The following USP54 variants were observed in gnomAD, a reference collection of about 807,000 sequenced individuals.
USP54 encodes ubiquitin carboxyl-terminal hydrolase 54.
USP54 carries 87 observed loss-of-function variants against 170.5 expected under a neutral mutation model. The observed-to-expected ratio is 0.51, with a 90% confidence interval of 0.43 to 0.61. The LOEUF is 0.61. USP54 is among the 20% of genes least tolerant of loss of function. The pLI is 0.00. For missense variants in USP54, 1,786 were observed against 2,047.8 expected, an observed-to-expected ratio of 0.87 and a Z score of 2.47; for synonymous variants, 655 against 742.8, an observed-to-expected ratio of 0.88 and a Z score of 1.92.
chr10:73,541,268 A>G, intron 9 of USP54, 107 bp downstream of exon 9: 3 of 1,490,988 alleles, frequency 2.0e-6, no homozygotes, highest in African/African-American at 1.4e-5. Flanking sequence ...CCAAAACATT[A>G]TAATACTTGT....
At chr10:73,504,686 T>C in intron 22 of USP54, 164 bp downstream of exon 22, 1 of 925,476 alleles carries the variant, frequency 1.1e-6, no homozygotes, top group Admixed American at 2.7e-5. Context: ...TCCAGCTGAA[T>C]GTTTGTAAAT....
At chr10:73,509,439 CAAAAA>C in intron 20 of USP54, among the ~76,000 whole-genome samples, 1 of 106,752 alleles carries the variant, frequency 9.4e-6, no homozygotes. Context: ...CTGTCTCTAC[CAAAAA>C]AAAAAAAAAA....
intron 1 of USP54, among the ~76,000 whole-genome samples, chr10:73,625,101 A>G (rs2081414294): frequency 6.6e-6 from 1 of 152,186 alleles, no homozygotes; most frequent in South Asian, 2.1e-4. Context: ...GAAATTGTAC[A>G]CTTGAATGAG....
chr10:73,601,279 A>G (rs2079143328), intron 1 of USP54, among the ~76,000 whole-genome samples: 1 of 152,168 alleles, frequency 6.6e-6, no homozygotes, highest in South Asian at 2.1e-4. Flanking sequence ...CTTATTTCCT[A>G]GAGAAATGAA....
At chr10:73,596,720 C>CAAAAAA (rs36049099) in intron 1 of USP54, among the ~76,000 whole-genome samples, 1 of 91,864 alleles carries the variant, frequency 1.1e-5, no homozygotes, top group Non-Finnish European at 2.0e-5. Context: ...GATCCTGTCT[C>CAAAAAA]AAAAAAAAAA....
rs111441066 is a variant in USP54, at chr10:73,584,910, A to G, written c.-582+6368T>C. On this transcript the variant is annotated intron_variant, in intron 1 of 23. Transcript: ENST00000687698. ...CACTGCTGCTGCTACTAAGGTTCAG[A>G]TCCTCACCACATCTGGACCACTGCA... Among the ~76,000 whole-genome samples the G allele has an allele frequency of 3.6e-3, 550 of 152,194 alleles. 10 individuals carry two copies. Among genetic ancestry groups the G allele is most frequent in the African/African-American group, 0.012 (512 of 41,526 alleles).
intron 1 of USP54, among the ~76,000 whole-genome samples, chr10:73,622,041 T>C (rs1242610989): frequency 6.6e-6 from 1 of 152,178 alleles, no homozygotes; most frequent in South Asian, 2.1e-4. Context: ...GACTCCCTCC[T>C]TCCCTACAAA....
At chr10:73,574,878 G>T (rs1055077075) in intron 3 of USP54, among the ~76,000 whole-genome samples, 1 of 149,530 alleles carries the variant, frequency 6.7e-6, no homozygotes, top group Non-Finnish European at 1.5e-5. Context: ...AGAAAGAAAA[G>T]AAAAGAAAAG....
intron 4 of USP54, among the ~76,000 whole-genome samples, chr10:73,565,904 A>G (rs904255175): frequency 6.6e-6 from 1 of 152,212 alleles, no homozygotes; most frequent in African/African-American, 2.4e-5. Context: ...GTCATCTGGT[A>G]GAAGAGATCA....
At chr10:73,505,484 C>G in intron 20 of USP54, 58 bp from the exon 21 acceptor site, 1 of 1,396,308 alleles carries the variant, frequency 7.2e-7, no homozygotes, top group Non-Finnish European at 1.0e-6. Context: ...GGCCTAACCT[C>G]TAAGCCTAGC....
intron 4 of USP54, among the ~76,000 whole-genome samples, chr10:73,552,302 A>T (rs1017191108): frequency 6.6e-6 from 1 of 151,974 alleles, no homozygotes; most frequent in Admixed American, 6.6e-5. Context: ...AGTCCCAGCT[A>T]CTCGGGAGGC....
intron 1 of USP54, among the ~76,000 whole-genome samples, chr10:73,615,663 G>A (rs2080563652): frequency 6.6e-6 from 1 of 150,410 alleles, no homozygotes; most frequent in Admixed American, 6.6e-5. Context: ...GCTCACACCT[G>A]TAATCCCAGC....
rs1026023695 is a variant in USP54 at position 73,505,183 on chromosome 10, T to C, written c.4170+125A>G. The stretch of plus-strand genomic sequence containing the variant: ...TCAAAAGAAGCCCAATCATAGACCT[T>C]ATTTTCTTCTGATAGCCCCATATCA... On this transcript the variant is annotated intron_variant, in intron 21 of 23. Coordinates refer to ENST00000687698, the MANE Select transcript of USP54 (RefSeq NM_001391956.1). The C allele has an allele frequency of 3.2e-6, 4 of 1,233,116 alleles. No individual in the cohort carries two copies. In the African/African-American group the frequency reaches 4.5e-5, roughly 14 times the overall value. 76.4% of individuals were successfully genotyped at this position (1,233,116 alleles called of 1,614,324 possible).
chr10:73,575,757 G>T, intron 2 of USP54, 41 bp downstream of exon 2: 1 of 1,360,846 alleles, frequency 7.3e-7, no homozygotes, highest in Non-Finnish European at 9.8e-7. Flanking sequence ...AGGGAATCCA[G>T]AATTTAGTGA....
At chr10:73,610,500 T>C (rs974072432) in intron 1 of USP54, among the ~76,000 whole-genome samples, 1 of 151,972 alleles carries the variant, frequency 6.6e-6, no homozygotes, top group Non-Finnish European at 1.5e-5. Flanking sequence ...CACACACACC[T>C]GTAGTCCCAG....
chr10:73,504,643 G>A, intron 22 of USP54: 1 of 675,392 alleles, frequency 1.5e-6, no homozygotes, highest in Non-Finnish European at 2.4e-6. Flanking sequence ...CGGCCTTTCA[G>A]AACTGCTACA....
intron 3 of USP54, among the ~76,000 whole-genome samples, chr10:73,572,893 T>C (rs1445995341): frequency 6.6e-6 from 1 of 152,184 alleles, no homozygotes; most frequent in East Asian, 1.9e-4. Context: ...AATGGGACTA[T>C]GGCCAAGACA....
chr10:73,619,443 C>T (rs1312497784), intron 1 of USP54, among the ~76,000 whole-genome samples: 5 of 148,610 alleles, frequency 3.4e-5, no homozygotes, highest in Non-Finnish European at 7.4e-5. Flanking sequence ...TTTTGCCATA[C>T]CCAGGATGGT....
intron 12 of USP54, 73 bp from the exon 13 acceptor site, chr10:73,530,908 C>T: frequency 6.3e-6 from 10 of 1,594,784 alleles, no homozygotes; most frequent in Non-Finnish European, 8.5e-6. Flanking sequence ...CCTACCTAAT[C>T]TCCCTTTGGG....
Sources: gnomAD v4.1 joint callset for allele counts (sites outside exome capture counted in the v4.1 genomes callset) on GRCh38, gnomAD v4.1.1 for gene constraint, MANE v1.5 for transcripts, NCBI Gene and HGNC (gene_info 2026-07-23, HGNC 2026-07-21) for gene names.